The following EDA variants were observed in gnomAD, a reference collection of about 807,000 sequenced individuals.
The protein encoded by EDA is ectodysplasin-A.
EDA carries 2 observed loss-of-function variants against 23.6 expected under a neutral mutation model. That is an observed-to-expected ratio of 0.08 (90% CI 0.03 to 0.27). The LOEUF (loss-of-function observed/expected upper bound fraction) is 0.27, where lower values mean the gene tolerates loss of function less well. Among genes scored for constraint, EDA ranks in the 10% least tolerant of loss-of-function variants. The pLI is 1.00. For missense variants in EDA, 229 were observed against 324.2 expected, an observed-to-expected ratio of 0.71 and a Z score of 2.26; for synonymous variants, 131 against 132.0, an observed-to-expected ratio of 0.99 and a Z score of 0.05.
Position 70,035,857 on chromosome X carries a change from C to T in EDA, c.*248C>T. The T allele has an allele frequency of 2.4e-6, 1 of 421,520 alleles. No homozygotes were observed. Among genetic ancestry groups the T allele is most frequent in the Non-Finnish European group, 4.1e-6 (1 of 243,497 alleles). The allele number at this position is 421,520 out of a possible 1,213,427, so 34.7% of individuals were successfully genotyped here. ...CATGAAGCAGAACCTTCTTTGGTTC[C>T]ATGTTGACTGACTTATGGCATGACT... On this transcript the variant is annotated 3_prime_UTR_variant, in exon 8 of 8. Transcript: ENST00000374552.
At chrX:69,655,248 A>G (rs1933266058) in intron 1 of EDA, among the ~76,000 whole-genome samples, 1 of 111,409 alleles carries the variant, frequency 9.0e-6, no homozygotes, top group South Asian at 3.8e-4. Context: ...ATACAAAATT[A>G]GCCTGGCATG....
intron 1 of EDA, among the ~76,000 whole-genome samples, chrX:69,724,130 G>C (rs1277900854): frequency 1.8e-5 from 2 of 112,064 alleles, no homozygotes; most frequent in Non-Finnish European, 3.8e-5. Flanking sequence ...CTTTCTCCAT[G>C]ATGTTCCATT....
intron 1 of EDA, among the ~76,000 whole-genome samples, chrX:69,728,460 CAA>C (rs1188418103): frequency 9.0e-6 from 1 of 111,464 alleles, no homozygotes; most frequent in Non-Finnish European, 1.9e-5. Context: ...GCAGAGGAAA[CAA>C]TATGTGCAAG....
At chrX:69,784,434 T>G (rs1225984074) in intron 1 of EDA, among the ~76,000 whole-genome samples, 1 of 94,718 alleles carries the variant, frequency 1.1e-5, no homozygotes. Context: ...GGTCTAACAT[T>G]TAAGTCTTTA....
At chrX:69,738,621 A>G (rs763870296) in intron 1 of EDA, among the ~76,000 whole-genome samples, 10 of 107,903 alleles carry the variant, frequency 9.3e-5, no homozygotes, top group Non-Finnish European at 1.7e-4. Flanking sequence ...AAATATATAC[A>G]TTTACAGCTG....
At chrX:69,833,063 C>T (rs2016661447) in intron 1 of EDA, among the ~76,000 whole-genome samples, 1 of 111,522 alleles carries the variant, frequency 9.0e-6, no homozygotes, top group Non-Finnish European at 1.9e-5. Context: ...CTGGCCAGAA[C>T]TTCCAACACT....
At chrX:69,815,453 C>T (rs770804574) in intron 1 of EDA, among the ~76,000 whole-genome samples, 2 of 107,761 alleles carry the variant, frequency 1.9e-5, no homozygotes, top group East Asian at 3.0e-4. Flanking sequence ...GGGGGGTAGC[C>T]GCCATGTCAG....
chrX:69,824,389 A>C (rs1342328102), intron 1 of EDA, among the ~76,000 whole-genome samples: 13 of 109,065 alleles, frequency 1.2e-4, no homozygotes, highest in Non-Finnish European at 3.8e-5. Flanking sequence ...AGTGGTTTGT[A>C]GTTCTCCTTG....
chrX:69,982,233 T>A (rs2019419396), intron 2 of EDA, among the ~76,000 whole-genome samples: 1 of 111,701 alleles, frequency 9.0e-6, no homozygotes, highest in African/African-American at 3.3e-5. Flanking sequence ...ACCTCCAGGG[T>A]ACCCTACTCC....
intron 1 of EDA, among the ~76,000 whole-genome samples, chrX:69,734,802 T>C (rs2013187002): frequency 8.9e-6 from 1 of 111,871 alleles, no homozygotes; most frequent in Non-Finnish European, 1.9e-5. Flanking sequence ...CTCTGTATAA[T>C]TTCAACTCCT....
At position 69,744,310 on chromosome X, in the gene EDA, C is replaced by T. The variant is rs1024208153; in HGVS notation, c.396+127606C>T. ...TTTATAGAGGAATGAAACTGAGGCT[C>T]AAAACAGTGAAGTATCTTGTCCAAG... On this transcript the variant is annotated intron_variant, in intron 1 of 7. Coordinates refer to ENST00000374552, the MANE Select transcript of EDA (RefSeq NM_001399.5). 3.6e-5 allele frequency among the ~76,000 whole-genome samples: 4 copies of T among 111,697 alleles called. No homozygotes were observed. The East Asian group carries it at 8.5e-4, about 24-fold the overall frequency.
intron 1 of EDA, among the ~76,000 whole-genome samples, chrX:69,771,223 A>T (rs2014628225): frequency 9.1e-6 from 1 of 109,691 alleles, no homozygotes; most frequent in African/African-American, 3.3e-5. Flanking sequence ...ACACCCAGCT[A>T]ATTTTTTTGT....
chrX:69,708,917 A>G (rs2011852546), intron 1 of EDA, among the ~76,000 whole-genome samples: 3 of 111,778 alleles, frequency 2.7e-5, no homozygotes. Context: ...CCCAGAAGAA[A>G]TGAAGGATAA....
At chrX:69,837,712 C>T (rs1353675102) in intron 1 of EDA, among the ~76,000 whole-genome samples, 1 of 112,022 alleles carries the variant, frequency 8.9e-6, no homozygotes, top group Non-Finnish European at 1.9e-5. Flanking sequence ...CCAGGAAATG[C>T]ACATCTTTTA....
intron 1 of EDA, among the ~76,000 whole-genome samples, chrX:69,697,353 T>C (rs919026614): frequency 2.6e-4 from 29 of 111,295 alleles, no homozygotes; most frequent in African/African-American, 8.8e-4. Context: ...TCTTGGATCT[T>C]GGGACTGGGC....
rs184588165 is a variant in EDA, at chrX:69,998,380, G to A, written c.503-24838G>A. 1.4e-4 allele frequency among the ~76,000 whole-genome samples: 16 copies of A among 112,337 alleles called. No homozygotes were observed. In the East Asian group the frequency reaches 3.4e-3, roughly 24 times the overall value. On this transcript the variant is annotated intron_variant, in intron 2 of 7. Coordinates refer to ENST00000374552, the MANE Select transcript of EDA (RefSeq NM_001399.5). ...CCAGCCAATTCCTCCCATTTGGAAT[G>A]GCTGTATTTACCCAATGCCTGTACT...
rs758259863 is a variant in EDA at position 69,972,831 on chromosome X, C to T, written c.502+15699C>T. ...ATGTAATTCTCCTTTCTGTCATTGC[C>T]ATGCCCTTGGTTTAGGCCTTCCAAC... On this transcript the variant is annotated intron_variant, in intron 2 of 7. Transcript: ENST00000374552. 2.7e-5 allele frequency among the ~76,000 whole-genome samples: 3 copies of T among 111,659 alleles called. No individual in the cohort carries two copies. The South Asian group carries it at 1.1e-3, about 42-fold the overall frequency.
chrX:69,945,806 C>T (rs186749999), intron 1 of EDA, among the ~76,000 whole-genome samples: 1,191 of 111,962 alleles, frequency 0.011, 12 homozygotes, highest in Non-Finnish European at 0.015. Flanking sequence ...AATGACATTT[C>T]CACAGACATC....
At chrX:69,959,398 AT>A (rs1211029368) in intron 2 of EDA, among the ~76,000 whole-genome samples, 2 of 111,736 alleles carry the variant, frequency 1.8e-5, no homozygotes, top group African/African-American at 6.5e-5. Flanking sequence ...CTGTAGAACC[AT>A]TTCTTTAGAT....
Sources: gnomAD v4.1 joint callset for allele counts (sites outside exome capture counted in the v4.1 genomes callset) on GRCh38, gnomAD v4.1.1 for gene constraint, MANE v1.5 for transcripts, NCBI Gene and HGNC (gene_info 2026-07-23, HGNC 2026-07-21) for gene names.